Variants in CKAP5 observed in about 807,000 individuals in gnomAD.
CKAP5 encodes the protein cytoskeleton associated protein 5, also known as cytoskeleton-associated protein 5.
Under a neutral mutation model 232.8 loss-of-function variants are expected in CKAP5, and 27 were observed. That is an observed-to-expected ratio of 0.12 (90% CI 0.09 to 0.16). The LOEUF is 0.16. CKAP5 is among the 10% of genes least tolerant of loss of function. CKAP5 has a pLI of 1.00. For synonymous variants in CKAP5, 785 were observed against 841.1 expected (o/e 0.93, Z 1.16); for missense variants, 1,838 against 2,424.7 (o/e 0.76, Z 5.08).
rs757481190 is a variant in CKAP5 at position 46,750,523 on chromosome 11, C to G, written c.5544+5G>C. On this transcript the variant is annotated splice_donor_5th_base_variant and intron_variant, in intron 41 of 43. Coordinates refer to ENST00000529230, the MANE Select transcript of CKAP5 (RefSeq NM_001008938.4). ...CCCTATTCTGCTTAACCCTTTCACT[C>G]TCACCTCTTTAGTGTTTTCTTTAGA... 1.2e-6 allele frequency: 2 copies of G among 1,613,530 alleles called. No homozygotes were observed. The highest frequency in any genetic ancestry group is 1.7e-5 in the Admixed American group (1 of 59,986).
chr11:46,769,977 A>C lies in CKAP5; in HGVS notation c.3308T>G (p.Phe1103Cys), dbSNP rs1373328994. 5.0e-6 allele frequency: 8 copies of C among 1,613,970 alleles called. No homozygotes were observed. In the Admixed American group the frequency reaches 5.0e-5, roughly 10 times the overall value. Reference protein sequence around the residue: ...KPMGGSAPAKFQPASAPAEDC... With the variant: ...KPMGGSAPAKCQPASAPAEDC... ...GATAGAGTTACCTGATGCAGGCTGG[A>C]ATTTGGCTGGAGCGGACCCTCCCAT... The change falls in exon 26 of 44, where the codon TTC becomes TGC. Residue 1103 changes from phenylalanine (F) to cysteine (C), a missense_variant. Around this residue, in one of 6 missense-constraint regions of CKAP5, gnomAD observed 767 missense variants for 954.6 expected, o/e 0.80. Transcript: ENST00000529230.
intron 26 of CKAP5, among the ~76,000 whole-genome samples, chr11:46,769,207 C>CTG: frequency 6.6e-6 from 1 of 152,342 alleles, no homozygotes; most frequent in South Asian, 2.1e-4. Flanking sequence ...GCATGAGCCA[C>CTG]TGTGCCCAGC....
rs762875932 is a variant in CKAP5 at position 46,816,297 on chromosome 11, T to A, written c.359A>T (p.Glu120Val). ...IEICLMYIEI[E>V]KGEAVQEELL... ...CTCTTCTTGAACAGCCTCTCCTTTC[T>A]CAATCTCTATGTACATAAGACAGAT... The change falls in exon 4 of 44, where the codon GAG becomes GTG. Residue 120 changes from glutamate (E) to valine (V), a missense_variant. By Grantham distance (121) the Glu-to-Val change is moderately radical. Transcript: ENST00000529230. 3 of 1,614,182 alleles carry A rather than the reference T, an allele frequency of 1.9e-6. No individual in the cohort carries two copies. The highest frequency in any genetic ancestry group is 2.5e-6 in the Non-Finnish European group (3 of 1,180,018).
intron 4 of CKAP5, among the ~76,000 whole-genome samples, chr11:46,814,881 C>T (rs1421382031): frequency 2.0e-5 from 3 of 152,148 alleles, no homozygotes; most frequent in East Asian, 1.9e-4. Context: ...TAGCTTTAGT[C>T]CACAAACTTT....
chr11:46,823,005 G>A (rs1261859710), intron 1 of CKAP5, among the ~76,000 whole-genome samples: 1 of 152,012 alleles, frequency 6.6e-6, no homozygotes, highest in Non-Finnish European at 1.5e-5. Context: ...TGTCGTCCAG[G>A]CTGGAGTGGA....
rs751226079 is a variant in CKAP5 at position 46,796,806 on chromosome 11, A to T, written c.1467+6T>A. 1.2e-6 allele frequency: 2 copies of T among 1,613,612 alleles called. No homozygotes were observed. Among genetic ancestry groups the T allele is most frequent in the Non-Finnish European group, 1.7e-6 (2 of 1,179,694 alleles). On this transcript the variant is annotated splice_donor_region_variant and intron_variant, in intron 12 of 43. Coordinates refer to ENST00000529230, the MANE Select transcript of CKAP5 (RefSeq NM_001008938.4). ...CCAATTTCAGTCCAATCCATTACTA[A>T]CCTACCTTATCAAGCTTGAGTTTGT...
At chr11:46,812,016 T>C (rs539903090) in intron 4 of CKAP5, among the ~76,000 whole-genome samples, 1 of 152,240 alleles carries the variant, frequency 6.6e-6, no homozygotes, top group East Asian at 1.9e-4. Context: ...ATGGGGAAAA[T>C]GTTGCATTTT....
intron 1 of CKAP5, among the ~76,000 whole-genome samples, chr11:46,830,791 G>A (rs190112143): frequency 2.2e-3 from 338 of 152,294 alleles, no homozygotes; most frequent in African/African-American, 7.7e-3. Context: ...GGGCCGGGGT[G>A]GTGGCTCTTG....
chr11:46,756,731 T>C (rs1367493558), intron 35 of CKAP5, among the ~76,000 whole-genome samples: 2 of 151,786 alleles, frequency 1.3e-5, no homozygotes, highest in African/African-American at 4.8e-5. Flanking sequence ...TCTTCAGTGT[T>C]TCCTTGACTT....
chr11:46,769,515 A>G (rs1168827156), intron 26 of CKAP5, among the ~76,000 whole-genome samples: 2 of 152,040 alleles, frequency 1.3e-5, no homozygotes, highest in African/African-American at 4.8e-5. Flanking sequence ...GCGCATCACA[A>G]CAAAACCTCA....
intron 28 of CKAP5, among the ~76,000 whole-genome samples, chr11:46,764,383 T>C (rs1012801273): frequency 2.0e-5 from 3 of 152,092 alleles, no homozygotes; most frequent in Non-Finnish European, 4.4e-5. Context: ...ATGTCCAACA[T>C]AGTGGGCGAA....
chr11:46,758,453 CTAAA>C (rs1447365544), intron 35 of CKAP5, among the ~76,000 whole-genome samples: 1 of 152,168 alleles, frequency 6.6e-6, no homozygotes, highest in Non-Finnish European at 1.5e-5. Context: ...CCACTAAAAT[CTAAA>C]TAAGTTCCAT....
intron 1 of CKAP5, among the ~76,000 whole-genome samples, chr11:46,823,749 G>A (rs1939595112): frequency 6.6e-6 from 1 of 151,978 alleles, no homozygotes; most frequent in Non-Finnish European, 1.5e-5. Context: ...GCCTCCCAAG[G>A]AGCTGGGACT....
At chr11:46,784,160 G>A (rs1013866438) in intron 17 of CKAP5, among the ~76,000 whole-genome samples, 3 of 151,980 alleles carry the variant, frequency 2.0e-5, no homozygotes, top group Admixed American at 2.0e-4. Context: ...CCTGAGGTCA[G>A]GAGTTCGAGA....
chr11:46,748,541 G>A (rs748239566), intron 42 of CKAP5, among the ~76,000 whole-genome samples: 5 of 152,040 alleles, frequency 3.3e-5, no homozygotes, highest in East Asian at 1.9e-4. Flanking sequence ...TTGGGAGGCC[G>A]AAGTGGGCGG....
At chr11:46,756,675 G>A (rs762940061) in intron 35 of CKAP5, among the ~76,000 whole-genome samples, 30 of 151,872 alleles carry the variant, frequency 2.0e-4, no homozygotes, top group Non-Finnish European at 1.5e-4. Context: ...ATCATGCACT[G>A]CATTTACCTG....
At position 46,751,333 on chromosome 11, in the gene CKAP5, G is replaced by T. The variant is rs755093929; in HGVS notation, c.5322+13C>A. 1 of 1,613,852 alleles carries T rather than the reference G, an allele frequency of 6.2e-7. No homozygotes were observed. The highest frequency in any genetic ancestry group is 8.5e-7 in the Non-Finnish European group (1 of 1,179,822). On this transcript the variant is annotated intron_variant, in intron 39 of 43. Transcript: ENST00000529230. ...TCAAGCTCCCTCAGAGACCAGTTGC[G>T]ATTCTTACTCACCTTGGGCCCTTTT...
rs1432053148 is a variant in CKAP5 at position 46,758,789 on chromosome 11, C to A, written c.4689+134G>T. 48 of 939,470 alleles carry A rather than the reference C, an allele frequency of 5.1e-5. 1 individual carries two copies. The South Asian group carries it at 6.0e-4, about 12-fold the overall frequency. The allele number at this position is 939,470 out of a possible 1,614,324, so 58.2% of individuals were successfully genotyped here. A position where few individuals can be genotyped will look rare whatever the true frequency, so the allele number is the denominator to read the frequency against. On this transcript the variant is annotated intron_variant, in intron 35 of 43. Coordinates refer to ENST00000529230, the MANE Select transcript of CKAP5 (RefSeq NM_001008938.4). The stretch of plus-strand genomic sequence containing the variant: ...AAGTGATGACTGAGTGGCACCTGTG[C>A]ATTTCTTTCCTCGGGAAAGTATGAA...
rs1291075608 is a variant in CKAP5 at position 46,767,868 on chromosome 11, C to T, written c.3323-205G>A. On this transcript the variant is annotated intron_variant, in intron 26 of 43. Transcript: ENST00000529230. The stretch of plus-strand genomic sequence containing the variant: ...TACAGTGGTGCCTTCACGGTGCTCA[C>T]TGCAGTCCTGACCTCCTGGGCTCAA... Among the ~76,000 whole-genome samples the T allele has an allele frequency of 5.3e-5, 8 of 152,038 alleles. No homozygotes were observed. In the East Asian group the frequency reaches 1.5e-3, roughly 29 times the overall value.
Sources: allele counts gnomAD v4.1 joint callset (sites outside exome capture counted in the v4.1 genomes callset), GRCh38; gene constraint gnomAD v4.1.1; regional missense constraint gnomAD v4.1.1; transcripts MANE v1.5; gene names NCBI Gene and HGNC (gene_info 2026-07-23, HGNC 2026-07-21).